ZNF618: variants seen among roughly 807,000 people sequenced by gnomAD.
ZNF618 encodes zinc finger protein 618, also known as neural precursor cell expressed, developmentally down-regulated 10.
A neutral mutation model predicts 103.0 loss-of-function variants in ZNF618; 34 were observed. That is an observed-to-expected ratio of 0.33 (90% CI 0.25 to 0.44). The LOEUF is 0.44. Ranked by LOEUF, ZNF618 falls within the 20% of genes least tolerant of loss-of-function variation. The probability of loss-of-function intolerance (pLI) is 1.00; values close to 1 mark genes in which losing one functional copy is unlikely to be tolerated. For synonymous variants in ZNF618, 551 were observed against 542.2 expected (o/e 1.02, Z -0.23); for missense variants, 1,059 against 1,295.4 (o/e 0.82, Z 2.80).
chr9:113,952,956 G>A (rs1038297366), intron 1 of ZNF618, among the ~76,000 whole-genome samples: 1 of 152,222 alleles, frequency 6.6e-6, no homozygotes, highest in African/African-American at 2.4e-5. Flanking sequence ...TGTTGGATGA[G>A]ATCAGACACA....
At chr9:113,912,416 G>T (rs182487806) in intron 1 of ZNF618, among the ~76,000 whole-genome samples, 16 of 152,308 alleles carry the variant, frequency 1.1e-4, no homozygotes, top group Admixed American at 2.6e-4. Flanking sequence ...GCCAGGGTAA[G>T]AGCCAGTTTA....
At chr9:113,999,018 A>G (rs1840901755) in intron 4 of ZNF618, among the ~76,000 whole-genome samples, 1 of 152,224 alleles carries the variant, frequency 6.6e-6, no homozygotes, top group Non-Finnish European at 1.5e-5. Flanking sequence ...GGGTGGTTCC[A>G]TGACTTGTCC....
At chr9:113,913,973 G>A (rs79220120) in intron 1 of ZNF618, among the ~76,000 whole-genome samples, 4,091 of 152,226 alleles carry the variant, frequency 0.027, 87 homozygotes, top group Middle Eastern at 0.054. Flanking sequence ...AATTCACAGT[G>A]GCCATTGGGT....
chr9:113,913,370 A>G (rs1042675230), intron 1 of ZNF618, among the ~76,000 whole-genome samples: 22 of 152,252 alleles, frequency 1.4e-4, no homozygotes, highest in Non-Finnish European at 1.3e-4. Context: ...CTGCAGATAG[A>G]TTTAACATAA....
intron 1 of ZNF618, among the ~76,000 whole-genome samples, chr9:113,878,829 T>C (rs1057020561): frequency 3.3e-5 from 5 of 152,168 alleles, no homozygotes; most frequent in African/African-American, 9.7e-5. Context: ...CCCTGTTTTG[T>C]GGAAATTTGG....
chr9:113,934,863 G>GC (rs1395014226), intron 1 of ZNF618, among the ~76,000 whole-genome samples: 1 of 152,198 alleles, frequency 6.6e-6, no homozygotes, highest in African/African-American at 2.4e-5. Context: ...GCTGGGGACC[G>GC]CCAGAGTATC....
At chr9:113,884,350 C>T (rs556699462) in intron 1 of ZNF618, among the ~76,000 whole-genome samples, 5 of 152,236 alleles carry the variant, frequency 3.3e-5, no homozygotes, top group African/African-American at 7.2e-5. Context: ...TTCCTTGCAC[C>T]GTATTTTCCT....
chr9:113,996,392 A>G (rs1298807485), intron 3 of ZNF618, among the ~76,000 whole-genome samples: 1 of 152,024 alleles, frequency 6.6e-6, no homozygotes, highest in Admixed American at 6.5e-5. Flanking sequence ...ATCTTGTCAC[A>G]TTTTGTGTAT....
intron 1 of ZNF618, among the ~76,000 whole-genome samples, chr9:113,958,545 C>T (rs1836530544): frequency 6.6e-6 from 1 of 152,184 alleles, no homozygotes; most frequent in Admixed American, 6.5e-5. Flanking sequence ...TCATTTAATC[C>T]TCACAATGGC....
intron 5 of ZNF618, 119 bp from the exon 6 acceptor site, chr9:114,002,505 G>T (rs1841327982): frequency 9.0e-7 from 1 of 1,108,486 alleles, no homozygotes; most frequent in Non-Finnish European, 1.3e-6. Flanking sequence ...GGCATCAGGG[G>T]CCCGGTGCGG....
rs566947336 is a variant in ZNF618, at chr9:113,996,212, C to T, written c.338-2047C>T. On this transcript the variant is annotated intron_variant, in intron 3 of 14. Coordinates refer to ENST00000374126, the MANE Select transcript of ZNF618 (RefSeq NM_001318042.2). ...CATTCGGCAAGCCCTGGACCCAGCT[C>T]CTGTTGCATGTTTGAACAGAGAGGG... is the stretch of plus-strand genomic sequence containing the variant. Among the ~76,000 whole-genome samples, 10 of 152,260 alleles carry T rather than the reference C, an allele frequency of 6.6e-5. No individual in the cohort carries two copies. In the South Asian group the frequency reaches 8.3e-4, roughly 13 times the overall value.
chr9:114,048,601 C>T (rs1408229454), intron 14 of ZNF618, 50 bp from the exon 15 acceptor site: 1 of 1,549,938 alleles, frequency 6.5e-7, no homozygotes, highest in Non-Finnish European at 8.8e-7. Context: ...CCACTCCAAG[C>T]AGCCTTGAAT....
chr9:113,926,096 T>C lies in ZNF618; in HGVS notation c.34-43021T>C, dbSNP rs1833062792. The stretch of plus-strand genomic sequence containing the variant: ...TTCCCTCAAATTTTGTTTTTTGTTA[T>C]TTCTCCTTCATGTTGGTAGGATAAT... On this transcript the variant is annotated intron_variant, in intron 1 of 14. Coordinates refer to ENST00000374126, the MANE Select transcript of ZNF618 (RefSeq NM_001318042.2). 2.0e-5 allele frequency among the ~76,000 whole-genome samples: 3 copies of C among 151,916 alleles called. No homozygotes were observed. In the South Asian group the frequency reaches 6.2e-4, roughly 31 times the overall value.
intron 1 of ZNF618, among the ~76,000 whole-genome samples, chr9:113,936,419 AGAAT>A (rs1254294758): frequency 1.3e-5 from 2 of 152,276 alleles, no homozygotes; most frequent in Non-Finnish European, 2.9e-5. Context: ...ATTTGTTGAA[AGAAT>A]GAATGGGAAT....
At chr9:113,984,180 G>A (rs1839240766) in intron 2 of ZNF618, among the ~76,000 whole-genome samples, 1 of 152,210 alleles carries the variant, frequency 6.6e-6, no homozygotes, top group African/African-American at 2.4e-5. Context: ...GGAATTTCGG[G>A]AAGGGGACGA....
chr9:113,904,057 T>C (rs1000588902), intron 1 of ZNF618, among the ~76,000 whole-genome samples: 3 of 151,692 alleles, frequency 2.0e-5, no homozygotes, highest in Non-Finnish European at 4.4e-5. Context: ...TATTAAGCCT[T>C]TTGAATCTGT....
intron 1 of ZNF618, among the ~76,000 whole-genome samples, chr9:113,953,506 G>C (rs1835963001): frequency 6.6e-6 from 1 of 152,178 alleles, no homozygotes; most frequent in Non-Finnish European, 1.5e-5. Flanking sequence ...ACGTGCATGT[G>C]GTATTTGTTA....
intron 1 of ZNF618, among the ~76,000 whole-genome samples, chr9:113,951,493 G>GTGTACACATA (rs1434814780): frequency 2.0e-5 from 1 of 51,260 alleles, no homozygotes; most frequent in Non-Finnish European, 3.9e-5. Flanking sequence ...ATATATGTGT[G>GTGTACACATA]TATGTGTACA....
chr9:113,931,702 C>T (rs370917325), intron 1 of ZNF618, among the ~76,000 whole-genome samples: 36 of 152,146 alleles, frequency 2.4e-4, no homozygotes, highest in Middle Eastern at 3.4e-3. Flanking sequence ...TACCACATTC[C>T]GAAGACTTAG....
Sources: allele counts gnomAD v4.1 joint callset (sites outside exome capture counted in the v4.1 genomes callset), GRCh38; gene constraint gnomAD v4.1.1; transcripts MANE v1.5; gene names NCBI Gene and HGNC (gene_info 2026-07-23, HGNC 2026-07-21).